JARID2: variants seen among roughly 807,000 people sequenced by gnomAD.
JARID2 encodes the protein protein Jumonji.
JARID2 carries 21 observed loss-of-function variants against 125.6 expected under a neutral mutation model. That is an observed-to-expected ratio of 0.17 (90% CI 0.12 to 0.24). The LOEUF is 0.24. Ranked by LOEUF, JARID2 falls within the 10% of genes least tolerant of loss-of-function variation. The pLI, the probability that JARID2 is intolerant of heterozygous loss-of-function variation, is 1.00. For missense variants in JARID2, 1,303 were observed against 1,639.6 expected (o/e 0.79, Z 3.55); for synonymous variants, 736 against 661.6 (o/e 1.11, Z -1.73).
At chr6:15,434,848 T>G (rs1217143300) in intron 3 of JARID2, among the ~76,000 whole-genome samples, 1 of 152,224 alleles carries the variant, frequency 6.6e-6, no homozygotes, top group Admixed American at 6.5e-5. Context: ...TCTATATAAC[T>G]CATGAAATTT....
intron 1 of JARID2, among the ~76,000 whole-genome samples, chr6:15,366,918 TATA>T (rs1385916247): frequency 2.6e-5 from 4 of 152,236 alleles, no homozygotes; most frequent in Non-Finnish European, 5.9e-5. Flanking sequence ...ATATTTGTTT[TATA>T]ATATTTATTG....
At position 15,478,645 on chromosome 6, in the gene JARID2, T is replaced by C. The variant is rs546603226; in HGVS notation, c.671-8662T>C. Among the ~76,000 whole-genome samples the C allele has an allele frequency of 3.3e-5, 5 of 152,250 alleles. No individual in the cohort carries two copies. The East Asian group carries it at 7.7e-4, about 24-fold the overall frequency. On this transcript the variant is annotated intron_variant, in intron 5 of 17. Transcript: ENST00000341776. ...TGACTTCAGATGTGGTTGGCCTGTTTTAAATCATTATTTTTGGAATTTAGG... is the reference window on the plus strand; with the variant it reads ...TGACTTCAGATGTGGTTGGCCTGTTCTAAATCATTATTTTTGGAATTTAGG...
chr6:15,301,441 G>A (rs2127411803), intron 1 of JARID2, among the ~76,000 whole-genome samples: 1 of 151,830 alleles, frequency 6.6e-6, no homozygotes, highest in South Asian at 2.1e-4. Context: ...TTTTTTTCTA[G>A]CCCTCTCACC....
At chr6:15,252,413 C>T (rs1269624165) in intron 1 of JARID2, among the ~76,000 whole-genome samples, 1 of 152,114 alleles carries the variant, frequency 6.6e-6, no homozygotes, top group Non-Finnish European at 1.5e-5. Flanking sequence ...CTGTGTTTAG[C>T]CTTAATCCCC....
intron 1 of JARID2, among the ~76,000 whole-genome samples, chr6:15,289,140 G>C (rs1435458148): frequency 6.6e-6 from 1 of 152,194 alleles, no homozygotes; most frequent in Non-Finnish European, 1.5e-5. Flanking sequence ...GCTTGAAGAA[G>C]TGAATATGAT....
intron 7 of JARID2, among the ~76,000 whole-genome samples, chr6:15,498,774 G>A (rs1015342779): frequency 3.3e-5 from 5 of 152,238 alleles, no homozygotes; most frequent in African/African-American, 1.2e-4. Flanking sequence ...GGAATAGCAC[G>A]TGATAGGAAG....
At chr6:15,498,121 T>C (rs977664197) in intron 7 of JARID2, among the ~76,000 whole-genome samples, 8 of 152,186 alleles carry the variant, frequency 5.3e-5, no homozygotes, top group African/African-American at 1.9e-4. Context: ...ATGCAGCCCA[T>C]AGCCCTCTAG....
At chr6:15,283,007 C>G (rs1434457271) in intron 1 of JARID2, among the ~76,000 whole-genome samples, 1 of 151,646 alleles carries the variant, frequency 6.6e-6, no homozygotes, top group East Asian at 1.9e-4. Context: ...GAGACGGAGT[C>G]TCACTCTGTT....
At chr6:15,387,461 A>C (rs1225308996) in intron 2 of JARID2, among the ~76,000 whole-genome samples, 1 of 152,034 alleles carries the variant, frequency 6.6e-6, no homozygotes, top group Non-Finnish European at 1.5e-5. Flanking sequence ...GGTTCCTCTG[A>C]GTCTTCCTCC....
rs1347422114 is a variant in JARID2, at chr6:15,452,192, A to G, written c.493+17A>G. On this transcript the variant is annotated intron_variant, in intron 4 of 17. Coordinates refer to ENST00000341776, the MANE Select transcript of JARID2 (RefSeq NM_004973.4). ...GCCTTCGAGGTAAGACTTTGCAACCATCGGCGGAGGTCTACGTGGAATCTA... is the reference window on the plus strand; with the variant it reads ...GCCTTCGAGGTAAGACTTTGCAACCGTCGGCGGAGGTCTACGTGGAATCTA... 4.3e-6 allele frequency: 7 copies of G among 1,613,092 alleles called. No individual in the cohort carries two copies. The highest frequency in any genetic ancestry group is 5.9e-6 in the Non-Finnish European group (7 of 1,179,596).
intron 1 of JARID2, among the ~76,000 whole-genome samples, chr6:15,345,375 C>G (rs1250732747): frequency 7.2e-5 from 11 of 152,176 alleles, no homozygotes; most frequent in Non-Finnish European, 1.6e-4. Context: ...CTGTCAATTA[C>G]GAGTTGCACC....
intron 1 of JARID2, among the ~76,000 whole-genome samples, chr6:15,312,525 C>A (rs1163319339): frequency 1.3e-5 from 2 of 152,178 alleles, no homozygotes; most frequent in African/African-American, 4.8e-5. Context: ...CTGTCCTGTG[C>A]CCCCATGCCA....
chr6:15,317,236 G>C (rs1201600970), intron 1 of JARID2, among the ~76,000 whole-genome samples: 1 of 152,114 alleles, frequency 6.6e-6, no homozygotes, highest in Non-Finnish European at 1.5e-5. Context: ...CTGAGGACCA[G>C]TTGAAAAATA....
At chr6:15,372,414 AGTGGCGT>A (rs1764204898) in intron 1 of JARID2, among the ~76,000 whole-genome samples, 1 of 152,168 alleles carries the variant, frequency 6.6e-6, no homozygotes, top group South Asian at 2.1e-4. Flanking sequence ...GTGGGAGTGC[AGTGGCGT>A]GATCTTGGCT....
intron 1 of JARID2, among the ~76,000 whole-genome samples, chr6:15,339,185 C>T (rs960676073): frequency 3.3e-5 from 5 of 152,064 alleles, no homozygotes; most frequent in Admixed American, 6.6e-5. Flanking sequence ...GAACTAGGAC[C>T]GGGCCTCTCA....
At chr6:15,309,412 G>A (rs1761941119) in intron 1 of JARID2, among the ~76,000 whole-genome samples, 1 of 151,890 alleles carries the variant, frequency 6.6e-6, no homozygotes, top group Admixed American at 6.6e-5. Context: ...CTAGGAATTT[G>A]GCCACAAGGA....
intron 1 of JARID2, among the ~76,000 whole-genome samples, chr6:15,269,972 G>A (rs1255276220): frequency 1.3e-5 from 2 of 152,182 alleles, no homozygotes; most frequent in East Asian, 3.8e-4. Context: ...GACATTGGTA[G>A]AGGTTTTTTG....
chr6:15,403,124 G>A (rs1022790863), intron 2 of JARID2, among the ~76,000 whole-genome samples: 2 of 152,166 alleles, frequency 1.3e-5, no homozygotes, highest in African/African-American at 4.8e-5. Context: ...AGAAGTAACA[G>A]GGAGTTGTGC....
intron 1 of JARID2, among the ~76,000 whole-genome samples, chr6:15,353,896 G>T (rs1561809787): frequency 6.6e-6 from 1 of 152,128 alleles, no homozygotes; most frequent in South Asian, 2.1e-4. Flanking sequence ...GATCTTTTAT[G>T]TACAGTAAAA....
Sources: gnomAD v4.1 joint callset for allele counts (sites outside exome capture counted in the v4.1 genomes callset) on GRCh38, gnomAD v4.1.1 for gene constraint, MANE v1.5 for transcripts, NCBI Gene and HGNC (gene_info 2026-07-23, HGNC 2026-07-21) for gene names.